DNAH12: variants seen among roughly 807,000 people sequenced by gnomAD.
The protein encoded by DNAH12 is axonemal beta dynein heavy chain 12.
Under a neutral mutation model 371.5 loss-of-function variants are expected in DNAH12, and 285 were observed. That is an observed-to-expected ratio of 0.77 (90% CI 0.70 to 0.85). The LOEUF (loss-of-function observed/expected upper bound fraction) is 0.85, where lower values mean the gene tolerates loss of function less well. Among genes scored for constraint, DNAH12 ranks in the 40% least tolerant of loss-of-function variants. The pLI is 0.00. For synonymous variants in DNAH12, 1,200 were observed against 1,213.0 expected, an observed-to-expected ratio of 0.99 and a Z score of 0.22; for missense variants, 3,611 against 3,689.4, an observed-to-expected ratio of 0.98 and a Z score of 0.55.
At chr3:57,333,417 G>T (rs1031491802) in intron 62 of DNAH12, among the ~76,000 whole-genome samples, 1 of 145,826 alleles carries the variant, frequency 6.9e-6, no homozygotes, top group Non-Finnish European at 1.5e-5. Flanking sequence ...TGCAACCTCC[G>T]CCTCTCCAGT....
intron 39 of DNAH12, among the ~76,000 whole-genome samples, chr3:57,412,207 CCT>C (rs1183014007): frequency 6.6e-6 from 1 of 152,136 alleles, no homozygotes; most frequent in South Asian, 2.1e-4. Context: ...TAGCAAGACC[CCT>C]GTCTTTTAGC....
At chr3:57,425,438 C>G (rs1254626678) in intron 34 of DNAH12, among the ~76,000 whole-genome samples, 2 of 151,792 alleles carry the variant, frequency 1.3e-5, no homozygotes, top group Non-Finnish European at 1.5e-5. Context: ...GGCTCTCACT[C>G]TGTCACGCAG....
chr3:57,351,159 C>T (rs1275703050), intron 60 of DNAH12, among the ~76,000 whole-genome samples: 1 of 152,034 alleles, frequency 6.6e-6, no homozygotes, highest in African/African-American at 2.4e-5. Context: ...GTCCCAGCTA[C>T]TCGGGAGGCT....
At chr3:57,363,271 C>G (rs1164676681) in intron 58 of DNAH12, among the ~76,000 whole-genome samples, 3 of 151,960 alleles carry the variant, frequency 2.0e-5, no homozygotes, top group African/African-American at 7.3e-5. Flanking sequence ...TCTAATAATA[C>G]CTTACCTATC....
At chr3:57,499,645 A>AAAAAAAAAAAAAAAAAAAT in intron 11 of DNAH12, among the ~76,000 whole-genome samples, 1 of 23,358 alleles carries the variant, frequency 4.3e-5, no homozygotes, top group Non-Finnish European at 9.7e-5. Flanking sequence ...AAAAAAAAAA[A>AAAAAAAAAAAAAAAAAAAT]AAATATATAT....
chr3:57,309,965 G>T, intron 67 of DNAH12, 111 bp from the exon 68 acceptor site: 1 of 840,962 alleles, frequency 1.2e-6, no homozygotes, highest in Non-Finnish European at 1.7e-6. Context: ...TATGTGAGTT[G>T]AAGCCAATTA....
chr3:57,512,941 A>C (rs1695256147), intron 4 of DNAH12, among the ~76,000 whole-genome samples: 1 of 152,118 alleles, frequency 6.6e-6, no homozygotes, highest in South Asian at 2.1e-4. Context: ...GTTCAAGACC[A>C]GCCTGGTCAA....
chr3:57,448,787 G>C (rs1279408911), intron 25 of DNAH12, among the ~76,000 whole-genome samples: 1 of 152,160 alleles, frequency 6.6e-6, no homozygotes, highest in Non-Finnish European at 1.5e-5. Context: ...GTTAGATACA[G>C]AGTATGGACA....
rs2063479817 is a variant in DNAH12 at position 57,385,342 on chromosome 3, A to G, written c.7683+7T>C. On this transcript the variant is annotated splice_region_variant and intron_variant, in intron 48 of 73. Transcript: ENST00000495027. ...CTTTGACATCAAAAACATTCAGGAT[A>G]CTCTACCTGCATCATATTTGCATTT... The G allele has an allele frequency of 6.6e-6, 1 of 152,072 alleles. No individual in the cohort carries two copies. The highest frequency in any genetic ancestry group is 2.4e-5 in the African/African-American group (1 of 41,418). 9.4% of individuals were successfully genotyped at this position (152,072 alleles called of 1,614,324 possible). A position where few individuals can be genotyped will look rare whatever the true frequency, so the allele number is the denominator to read the frequency against.
At chr3:57,480,234 G>A (rs901848047) in intron 13 of DNAH12, among the ~76,000 whole-genome samples, 2 of 151,928 alleles carry the variant, frequency 1.3e-5, no homozygotes, top group African/African-American at 4.8e-5. Flanking sequence ...AATGATAAAG[G>A]GGATGTCACC....
chr3:57,553,547 C>T, the DNAH12 span, among the ~76,000 whole-genome samples: 1 of 152,172 alleles, frequency 6.6e-6, no homozygotes. Flanking sequence ...CCAGGTGATA[C>T]AGACACACAC....
intron 45 of DNAH12, among the ~76,000 whole-genome samples, chr3:57,390,960 CCAACT>C: frequency 6.6e-6 from 1 of 152,302 alleles, no homozygotes; most frequent in Non-Finnish European, 1.5e-5. Flanking sequence ...ACCCAAAGCT[CCAACT>C]CAACTGCTGC....
intron 2 of DNAH12, among the ~76,000 whole-genome samples, chr3:57,525,789 G>T (rs2068627784): frequency 2.1e-5 from 2 of 93,178 alleles, no homozygotes; most frequent in East Asian, 7.0e-4. Context: ...TTGAGACAGA[G>T]TCTCACTCTG....
chr3:57,418,647 G>T (rs1458355215), intron 37 of DNAH12, among the ~76,000 whole-genome samples: 1 of 151,640 alleles, frequency 6.6e-6, no homozygotes, highest in Non-Finnish European at 1.5e-5. Context: ...CAAAATAGGG[G>T]TAAACTAATT....
At chr3:57,394,789 T>C (rs2063702172) in intron 43 of DNAH12, among the ~76,000 whole-genome samples, 1 of 152,182 alleles carries the variant, frequency 6.6e-6, no homozygotes, top group South Asian at 2.1e-4. Flanking sequence ...GGAAATAATT[T>C]AAGACCCCAA....
intron 60 of DNAH12, among the ~76,000 whole-genome samples, chr3:57,349,242 A>C (rs7612960): frequency 0.32 from 48,905 of 152,120 alleles, 8,607 homozygotes; most frequent in African/African-American, 0.45. Context: ...AACATCACTA[A>C]TTATCAGGGA....
chr3:57,446,618 G>A lies in DNAH12; in HGVS notation c.3858C>T (p.Thr1286=). 6.5e-7 allele frequency: 1 copy of A among 1,550,106 alleles called. No homozygotes were observed. Among genetic ancestry groups the A allele is most frequent in the Non-Finnish European group, 8.7e-7 (1 of 1,146,060 alleles). Residue 1286 remains threonine (T), a synonymous_variant, in exon 26 of 74, where the codon ACC becomes ACT. Coordinates refer to ENST00000495027, the MANE Select transcript of DNAH12 (RefSeq NM_001366028.2). ...CAGCAAGAGCTTTAGCCAAGTCCTT[G>A]GTGGTTTCGGTTTTTCCTGTGCCTG... ...GPAGTGKTET[T]KDLAKALAVQ... is the part of the protein sequence containing the mutation.
intron 24 of DNAH12, 101 bp downstream of exon 24, chr3:57,453,145 GT>G: frequency 6.8e-7 from 1 of 1,461,112 alleles, no homozygotes; most frequent in Non-Finnish European, 9.1e-7. Context: ...AAAAGATTGT[GT>G]TAAAAAAATT....
intron 2 of DNAH12, among the ~76,000 whole-genome samples, chr3:57,528,740 C>T (rs1451321262): frequency 3.4e-5 from 5 of 147,812 alleles, no homozygotes; most frequent in African/African-American, 5.0e-5. Flanking sequence ...AAAAAAAAAA[C>T]AATATTAATT....
Sources: allele counts gnomAD v4.1 joint callset (sites outside exome capture counted in the v4.1 genomes callset), GRCh38; gene constraint gnomAD v4.1.1; transcripts MANE v1.5; gene names NCBI Gene and HGNC (gene_info 2026-07-23, HGNC 2026-07-21).